Variants in GLI2 observed in about 807,000 individuals in gnomAD.
The protein encoded by GLI2 is transcription activator GLI2.
GLI2 carries 22 observed loss-of-function variants against 78.9 expected under a neutral mutation model. That is an observed-to-expected ratio of 0.28 (90% CI 0.20 to 0.40). The LOEUF is 0.40. GLI2 is among the 10% of genes least tolerant of loss of function. The pLI, the probability that GLI2 is intolerant of heterozygous loss-of-function variation, is 1.00. For synonymous variants in GLI2, 974 were observed against 963.7 expected (o/e 1.01, Z -0.20); for missense variants, 2,097 against 2,213.2 (o/e 0.95, Z 1.05).
intron 2 of GLI2, among the ~76,000 whole-genome samples, chr2:120,923,009 C>T (rs1046149109): frequency 1.5e-4 from 23 of 152,054 alleles, no homozygotes; most frequent in African/African-American, 5.1e-4. Context: ...TTCTGGAAGC[C>T]TCAGGCCCCT....
intron 5 of GLI2, among the ~76,000 whole-genome samples, chr2:120,960,599 C>A (rs1044123679): frequency 1.3e-5 from 2 of 152,244 alleles, no homozygotes; most frequent in African/African-American, 4.8e-5. Flanking sequence ...AATGGAAAAC[C>A]TAATCCCTGT....
At chr2:120,954,990 C>A (rs1165936697) in intron 4 of GLI2, among the ~76,000 whole-genome samples, 2 of 152,048 alleles carry the variant, frequency 1.3e-5, no homozygotes, top group Non-Finnish European at 2.9e-5. Context: ...GTTTATGAGT[C>A]TAATGAAGTG....
rs184424477 is a variant in GLI2 at position 120,909,860 on chromosome 2, G to A, written c.149-17501G>A. 1.8e-3 allele frequency among the ~76,000 whole-genome samples: 270 copies of A among 152,346 alleles called. 1 individual carries two copies. Among genetic ancestry groups the A allele is most frequent in the Non-Finnish European group, 3.0e-3 (207 of 68,036 alleles). ...GGCCTGGGCGACAGAGTGAGACTCC[G>A]TCTCAAAATAAAATAAAATAAAATT... On this transcript the variant is annotated intron_variant, in intron 2 of 13. Coordinates refer to ENST00000361492, the MANE Select transcript of GLI2 (RefSeq NM_001374353.1).
At position 120,853,517 on chromosome 2, in the gene GLI2, G is replaced by A. The variant is rs144198244; in HGVS notation, c.148+56049G>A. 1.9e-3 allele frequency among the ~76,000 whole-genome samples: 288 copies of A among 152,262 alleles called. 1 individual carries two copies. The highest frequency in any genetic ancestry group is 6.5e-3 in the African/African-American group (270 of 41,564). On this transcript the variant is annotated intron_variant, in intron 2 of 13. Transcript: ENST00000361492. ...GCAGGCCTGCCAGTCTGCAAGGGCT[G>A]GCATGGGATTGCAATGCTGAGCTTT...
chr2:120,758,344 G>A (rs1479794385), intron 1 of GLI2, among the ~76,000 whole-genome samples: 1 of 152,252 alleles, frequency 6.6e-6, no homozygotes. Flanking sequence ...AGGCTTGCCA[G>A]CAAAGGCACT....
intron 1 of GLI2, among the ~76,000 whole-genome samples, chr2:120,782,209 A>G (rs1376912680): frequency 6.6e-6 from 1 of 152,200 alleles, no homozygotes; most frequent in Non-Finnish European, 1.5e-5. Flanking sequence ...TTAACCCTGT[A>G]GTGAACATCT....
chr2:120,847,530 C>T (rs1222481135), intron 2 of GLI2, among the ~76,000 whole-genome samples: 2 of 152,008 alleles, frequency 1.3e-5, no homozygotes, highest in African/African-American at 2.4e-5. Flanking sequence ...TCCTGCGAGG[C>T]TCCTCCTGAG....
At chr2:120,897,029 G>T (rs141978161) in intron 2 of GLI2, among the ~76,000 whole-genome samples, 1 of 152,334 alleles carries the variant, frequency 6.6e-6, no homozygotes, top group East Asian at 1.9e-4. Context: ...GTCCCAGGTG[G>T]CCTGTGTGAG....
chr2:120,812,211 A>G (rs988090188), intron 2 of GLI2, among the ~76,000 whole-genome samples: 1 of 152,214 alleles, frequency 6.6e-6, no homozygotes, highest in African/African-American at 2.4e-5. Flanking sequence ...TCCCGAAGCC[A>G]GCTGCAGGCT....
chr2:120,909,588 G>A (rs113355549), intron 2 of GLI2, among the ~76,000 whole-genome samples: 2,981 of 152,256 alleles, frequency 0.02, 107 homozygotes, highest in African/African-American at 0.068. Flanking sequence ...ACTTTAGGCC[G>A]GGCGTGGTGG....
chr2:120,748,860 C>T (rs2104629774), intron 1 of GLI2, among the ~76,000 whole-genome samples: 1 of 115,890 alleles, frequency 8.6e-6, no homozygotes, highest in South Asian at 2.4e-4. Context: ...ATTCTCCATC[C>T]ATCCATCCAT....
At chr2:120,905,276 A>T (rs1460331235) in intron 2 of GLI2, among the ~76,000 whole-genome samples, 2 of 152,058 alleles carry the variant, frequency 1.3e-5, no homozygotes, top group African/African-American at 4.8e-5. Context: ...TGCTGTGGGG[A>T]AAGTGCTGGA....
intron 5 of GLI2, among the ~76,000 whole-genome samples, chr2:120,959,007 T>A (rs942324046): frequency 1.2e-4 from 18 of 152,186 alleles, no homozygotes; most frequent in Non-Finnish European, 2.6e-4. Flanking sequence ...AAAGATGCGC[T>A]CCAGCTAAGG....
intron 2 of GLI2, among the ~76,000 whole-genome samples, chr2:120,855,919 T>A (rs1231355558): frequency 6.6e-6 from 1 of 152,168 alleles, no homozygotes; most frequent in African/African-American, 2.4e-5. Flanking sequence ...ATTAGGTTCA[T>A]TAAGGAAAAT....
chr2:120,741,092 G>A (rs544122660), intron 1 of GLI2, among the ~76,000 whole-genome samples: 77 of 152,340 alleles, frequency 5.1e-4, no homozygotes, highest in African/African-American at 1.6e-3. Context: ...GGTGGGGCGG[G>A]GGGTGTTGTT....
At chr2:120,985,753 C>T (rs947029138) in intron 12 of GLI2, among the ~76,000 whole-genome samples, 1 of 152,180 alleles carries the variant, frequency 6.6e-6, no homozygotes, top group Non-Finnish European at 1.5e-5. Context: ...GAGCTCCCTG[C>T]CCCACTCTAC....
intron 1 of GLI2, among the ~76,000 whole-genome samples, chr2:120,780,315 C>T (rs79503443): frequency 0.019 from 2,895 of 152,292 alleles, 47 homozygotes; most frequent in Non-Finnish European, 0.03. Flanking sequence ...GCTGAGAGCT[C>T]GCCCTGTCCT....
chr2:120,927,244 C>A, intron 2 of GLI2, 117 bp from the exon 3 acceptor site: 1 of 801,938 alleles, frequency 1.2e-6, no homozygotes, highest in Non-Finnish European at 2.3e-6. Flanking sequence ...CACTGCGGAG[C>A]CCCTTGTCCT....
chr2:120,844,417 A>G (rs540919196), intron 2 of GLI2, among the ~76,000 whole-genome samples: 1 of 152,246 alleles, frequency 6.6e-6, no homozygotes, highest in South Asian at 2.1e-4. Flanking sequence ...TACAAGCTCC[A>G]TTTCTTGTGT....
Sources: allele counts gnomAD v4.1 joint callset (sites outside exome capture counted in the v4.1 genomes callset), GRCh38; gene constraint gnomAD v4.1.1; transcripts MANE v1.5; gene names NCBI Gene and HGNC (gene_info 2026-07-23, HGNC 2026-07-21).